ADK: variants seen among roughly 807,000 people sequenced by gnomAD.
The protein encoded by ADK is N6,N6-dimethyladenosine kinase.
A neutral mutation model predicts 44.7 loss-of-function variants in ADK; 24 were observed. The observed-to-expected ratio is 0.54, with a 90% confidence interval of 0.39 to 0.76. The LOEUF is 0.76. Among genes scored for constraint, ADK ranks in the 30% least tolerant of loss-of-function variants. The pLI is 0.00. For missense variants in ADK, 321 were observed against 425.1 expected, an observed-to-expected ratio of 0.76 and a Z score of 2.15; for synonymous variants, 128 against 142.6, an observed-to-expected ratio of 0.90 and a Z score of 0.73.
chr10:74,236,077 C>T (rs982192082), intron 3 of ADK, among the ~76,000 whole-genome samples: 4 of 152,100 alleles, frequency 2.6e-5, no homozygotes, highest in African/African-American at 4.8e-5. Flanking sequence ...TGTTAAAAGC[C>T]GTAGCAATCA....
intron 4 of ADK, among the ~76,000 whole-genome samples, chr10:74,343,168 T>A (rs1457445868): frequency 6.6e-6 from 1 of 152,122 alleles, no homozygotes; most frequent in African/African-American, 2.4e-5. Flanking sequence ...TTTCTGTTTT[T>A]TTTTAGCGTT....
intron 4 of ADK, among the ~76,000 whole-genome samples, chr10:74,358,490 A>T (rs1398241660): frequency 8.5e-5 from 13 of 152,234 alleles, no homozygotes; most frequent in Non-Finnish European, 1.6e-4. Flanking sequence ...AAAGTAATAT[A>T]ACTGATTCTG....
chr10:74,493,074 G>C (rs1023082699), intron 6 of ADK, among the ~76,000 whole-genome samples: 3 of 151,942 alleles, frequency 2.0e-5, no homozygotes, highest in Non-Finnish European at 4.4e-5. Context: ...TTTGTTAGTT[G>C]GCTTTCAGCT....
chr10:74,268,582 C>G (rs529797370), intron 3 of ADK, among the ~76,000 whole-genome samples: 1 of 152,188 alleles, frequency 6.6e-6, no homozygotes, highest in East Asian at 1.9e-4. Context: ...TTAGATATTA[C>G]AGAAATGTTA....
intron 9 of ADK, among the ~76,000 whole-genome samples, chr10:74,616,456 G>A (rs1401604502): frequency 6.6e-6 from 1 of 152,026 alleles, no homozygotes; most frequent in Non-Finnish European, 1.5e-5. Flanking sequence ...ATAACCAATT[G>A]ACCTGGCATC....
At chr10:74,212,918 T>A (rs1294930112) in intron 2 of ADK, among the ~76,000 whole-genome samples, 3 of 152,118 alleles carry the variant, frequency 2.0e-5, no homozygotes, top group Admixed American at 6.6e-5. Flanking sequence ...AGATAACATT[T>A]GAATTTTTGG....
intron 4 of ADK, among the ~76,000 whole-genome samples, chr10:74,320,792 C>G (rs1840782015): frequency 6.6e-6 from 1 of 152,146 alleles, no homozygotes; most frequent in Non-Finnish European, 1.5e-5. Flanking sequence ...TTTTACTTCT[C>G]TAAATGTTAG....
chr10:74,348,101 C>T (rs1223521998), intron 4 of ADK, among the ~76,000 whole-genome samples: 1 of 152,184 alleles, frequency 6.6e-6, no homozygotes, highest in Non-Finnish European at 1.5e-5. Context: ...AGACTGCCTC[C>T]TCAAGTGAGT....
rs118005000 is a variant in ADK, at chr10:74,464,092, T to C, written c.556-61164T>C. ...GTGTTTTTCCAAAACTATATACGTA[T>C]AGTCTTTTTACAAATAAACAGTGGC... On this transcript the variant is annotated intron_variant, in intron 6 of 10. Transcript: ENST00000539909. 2.4e-3 allele frequency among the ~76,000 whole-genome samples: 373 copies of C among 152,296 alleles called. 1 individual carries two copies. Among genetic ancestry groups the C allele is most frequent in the Middle Eastern group, 0.01 (3 of 294 alleles).
intron 1 of ADK, among the ~76,000 whole-genome samples, chr10:74,184,636 C>T (rs576330627): frequency 7.5e-4 from 114 of 152,144 alleles, no homozygotes; most frequent in Middle Eastern, 6.8e-3. Flanking sequence ...GATCCTCCCG[C>T]CTCAGCCACC....
intron 4 of ADK, among the ~76,000 whole-genome samples, chr10:74,378,094 C>T (rs556369479): frequency 6.0e-5 from 9 of 151,174 alleles, no homozygotes; most frequent in African/African-American, 2.2e-4. Context: ...CATGTGTCTA[C>T]CTCATAGGTT....
intron 4 of ADK, among the ~76,000 whole-genome samples, chr10:74,332,634 A>T (rs1841259447): frequency 6.6e-6 from 1 of 152,226 alleles, no homozygotes; most frequent in Non-Finnish European, 1.5e-5. Context: ...AGTCATCAGT[A>T]GTGATGCAAT....
chr10:74,169,806 T>TA (rs1173519934), intron 1 of ADK, among the ~76,000 whole-genome samples: 1 of 152,190 alleles, frequency 6.6e-6, no homozygotes, highest in Non-Finnish European at 1.5e-5. Context: ...TCAACTCCTT[T>TA]AAAAAAATTC....
intron 10 of ADK, among the ~76,000 whole-genome samples, chr10:74,699,984 T>C (rs924320533): frequency 6.6e-6 from 1 of 152,166 alleles, no homozygotes; most frequent in African/African-American, 2.4e-5. Flanking sequence ...AATAAAACTA[T>C]GTATGCATAT....
intron 4 of ADK, among the ~76,000 whole-genome samples, chr10:74,364,273 G>T (rs1247831966): frequency 3.9e-5 from 6 of 151,972 alleles, no homozygotes; most frequent in Non-Finnish European, 2.9e-5. Context: ...TTGTAAATGT[G>T]CTCCTATCCC....
chr10:74,323,904 A>G (rs1840910833), intron 4 of ADK, among the ~76,000 whole-genome samples: 1 of 152,052 alleles, frequency 6.6e-6, no homozygotes, highest in Non-Finnish European at 1.5e-5. Flanking sequence ...AAGAAACTCT[A>G]TAACCATTAG....
intron 6 of ADK, among the ~76,000 whole-genome samples, chr10:74,497,097 C>T (rs372747627): frequency 5.9e-5 from 9 of 152,184 alleles, no homozygotes; most frequent in South Asian, 2.1e-4. Flanking sequence ...ACAGGGACTA[C>T]GGGCGCCACC....
At chr10:74,228,294 T>A (rs1171991769) in intron 3 of ADK, among the ~76,000 whole-genome samples, 1 of 152,160 alleles carries the variant, frequency 6.6e-6, no homozygotes, top group Non-Finnish European at 1.5e-5. Context: ...TTCTACATAC[T>A]GAAGACCTTG....
chr10:74,312,403 G>A (rs528954649), intron 3 of ADK, among the ~76,000 whole-genome samples: 20 of 150,728 alleles, frequency 1.3e-4, no homozygotes, highest in Admixed American at 2.6e-4. Flanking sequence ...CTTAACCTGG[G>A]TAGTGGTTAC....
Sources: allele counts gnomAD v4.1 joint callset (sites outside exome capture counted in the v4.1 genomes callset), GRCh38; gene constraint gnomAD v4.1.1; transcripts MANE v1.5; gene names NCBI Gene and HGNC (gene_info 2026-07-23, HGNC 2026-07-21).